The following DNAH12 variants were observed in gnomAD, a reference collection of about 807,000 sequenced individuals.
DNAH12 encodes axonemal beta dynein heavy chain 12.
A neutral mutation model predicts 371.5 loss-of-function variants in DNAH12; 285 were observed. That is an observed-to-expected ratio of 0.77 (90% confidence interval 0.70 to 0.85). DNAH12 has a LOEUF of 0.85. DNAH12 is among the 40% of genes least tolerant of loss of function. DNAH12 has a pLI of 0.00. For missense variants in DNAH12, 3,611 were observed against 3,689.4 expected, an observed-to-expected ratio of 0.98 and a Z score of 0.55; for synonymous variants, 1,200 against 1,213.0, an observed-to-expected ratio of 0.99 and a Z score of 0.22.
chr3:57,555,001 T>G, the DNAH12 span, among the ~76,000 whole-genome samples: 1 of 152,052 alleles, frequency 6.6e-6, no homozygotes, highest in East Asian at 1.9e-4. Flanking sequence ...ATCCCAGAAT[T>G]TTGGGAGGGT....
rs1328356708 is a variant in DNAH12 at position 57,382,313 on chromosome 3, C to T, written c.7941G>A (p.Met2647Ile). 6.6e-6 allele frequency: 1 copy of T among 152,052 alleles called. No individual in the cohort carries two copies. Among genetic ancestry groups the T allele is most frequent in the Non-Finnish European group, 1.5e-5 (1 of 68,008 alleles). 9.4% of individuals were successfully genotyped at this position (152,052 alleles called of 1,614,324 possible). A position where few individuals can be genotyped will look rare whatever the true frequency, so the allele number is the denominator to read the frequency against. Residue 2647 changes from methionine (M) to isoleucine (I), a missense_variant, in exon 50 of 74, where the codon ATG becomes ATA. By Grantham distance (10) the Met-to-Ile change is conservative. Around this residue, in one of 3 missense-constraint regions of DNAH12, gnomAD observed 2,266 missense variants for 2,236.9 expected, o/e 1.01. Coordinates refer to ENST00000495027, the MANE Select transcript of DNAH12 (RefSeq NM_001366028.2). The part of the protein sequence containing the change: ...VKLVMAAVCV[M>I]KDIKPEKISD... ...AAATTTTTTCTGGTTTTATATCTTT[C>T]ATGACACAAACAGCAGCCATAACTA...
chr3:57,408,521 T>C lies in DNAH12; in HGVS notation c.6035A>G (p.Asp2012Gly). The stretch of plus-strand genomic sequence containing the variant: ...GTCCACCAGCGTGATTTTACTTGTG[T>C]CCTTAAGGTCGTACCTTAGAAAGCA... The part of the protein sequence containing the change: ...FDCGHWYDLK[D>G]TSKITLVDIE... Residue 2012 changes from aspartate to glycine, a missense_variant, in exon 40 of 74, where the codon GAC (aspartate) becomes GGC (glycine). Physicochemically the swap from Asp to Gly is moderately conservative, Grantham distance 94 (BLOSUM62 -1). Around this residue, in one of 3 missense-constraint regions of DNAH12, gnomAD observed 2,266 missense variants for 2,236.9 expected, o/e 1.01. Transcript: ENST00000495027. 3 of 1,545,470 alleles carry C rather than the reference T, an allele frequency of 1.9e-6. No homozygotes were observed. The highest frequency in any genetic ancestry group is 2.6e-6 in the Non-Finnish European group (3 of 1,144,196).
At chr3:57,540,548 G>A (rs895165373) in intron 2 of DNAH12, among the ~76,000 whole-genome samples, 10 of 152,180 alleles carry the variant, frequency 6.6e-5, no homozygotes, top group Non-Finnish European at 1.5e-4. Flanking sequence ...ATTGCAGAGC[G>A]TATCTCTAAA....
chr3:57,317,921 A>T (rs1226378277), intron 65 of DNAH12, among the ~76,000 whole-genome samples: 8 of 152,202 alleles, frequency 5.3e-5, no homozygotes, highest in African/African-American at 1.9e-4. Flanking sequence ...GACTACTGAC[A>T]TTGAGCATTT....
Position 57,453,360 on chromosome 3 carries a change from T to G in DNAH12, c.3500A>C (p.Glu1167Ala). ...YYKELQNQLN[E>A]IVELVRGKLS... ...CTTTCCTCTTACCAGCTCTACAATC[T>G]CATTCAGTTGGTTCTGAAGTTCCTT... The change falls in exon 24 of 74, where the codon GAG (glutamate) becomes GCG (alanine). Residue 1167 changes from glutamate (E) to alanine (A), a missense_variant. By Grantham distance (107) the Glu-to-Ala change is moderately radical (BLOSUM62 -1). Coordinates refer to ENST00000495027, the MANE Select transcript of DNAH12 (RefSeq NM_001366028.2). 1 of 1,550,612 alleles carries G rather than the reference T, an allele frequency of 6.4e-7. No individual in the cohort carries two copies. Among genetic ancestry groups the G allele is most frequent in the Non-Finnish European group, 8.7e-7 (1 of 1,146,596 alleles).
chr3:57,327,973 A>C (rs1212469062), intron 62 of DNAH12, among the ~76,000 whole-genome samples: 10 of 151,942 alleles, frequency 6.6e-5, no homozygotes, highest in African/African-American at 1.2e-4. Context: ...GAAATGGATA[A>C]ATTCCTCGAC....
chr3:57,524,689 A>G (rs2068573661), intron 2 of DNAH12, among the ~76,000 whole-genome samples: 1 of 152,134 alleles, frequency 6.6e-6, no homozygotes, highest in Non-Finnish European at 1.5e-5. Context: ...ACATGTTACC[A>G]TTAGCAATGA....
chr3:57,355,227 G>C (rs2153324101), intron 59 of DNAH12, among the ~76,000 whole-genome samples: 1 of 152,196 alleles, frequency 6.6e-6, no homozygotes, highest in East Asian at 1.9e-4. Context: ...TAATACATAG[G>C]ACCATGGGAA....
intron 45 of DNAH12, among the ~76,000 whole-genome samples, chr3:57,390,428 T>A (rs1331612365): frequency 0.18 from 4,846 of 26,690 alleles, 731 homozygotes; most frequent in African/African-American, 0.3. Context: ...AAAAAAAATA[T>A]ATATATATAT....
At chr3:57,480,524 C>T (rs538858071) in intron 13 of DNAH12, among the ~76,000 whole-genome samples, 1,978 of 151,058 alleles carry the variant, frequency 0.013, 28 homozygotes, top group Non-Finnish European at 0.019. Flanking sequence ...CCTTCTGAAA[C>T]TATTCCAATC....
At chr3:57,328,941 T>C (rs1364581618) in intron 62 of DNAH12, among the ~76,000 whole-genome samples, 3 of 134,002 alleles carry the variant, frequency 2.2e-5, no homozygotes, top group African/African-American at 9.2e-5. Flanking sequence ...AGCCAAATCA[T>C]GAGTGAACTC....
rs879293648 is a variant in DNAH12 at position 57,302,529 on chromosome 3, G to GTTCATATATATA, written c.11190-591_11190-590insTATATATATGAA. On this transcript the variant is annotated intron_variant, in intron 69 of 73. Transcript: ENST00000495027. The stretch of plus-strand genomic sequence containing the variant: ...TGCTGAATTAACTAAGGCATCAGGT[G>GTTCATATATATA]TATATATATATATATATATATATAT... Among the ~76,000 whole-genome samples, 73 of 47,850 alleles carry GTTCATATATATA rather than the reference G, an allele frequency of 1.5e-3. 2 individuals are homozygous for GTTCATATATATA. Among genetic ancestry groups the GTTCATATATATA allele is most frequent in the African/African-American group, 6.0e-3 (71 of 11,762 alleles). 31.4% of individuals were successfully genotyped at this position (47,850 alleles called of 152,430 possible). A position where few individuals can be genotyped will look rare whatever the true frequency, so the allele number is the denominator to read the frequency against.
At chr3:57,453,147 T>C in intron 24 of DNAH12, 100 bp downstream of exon 24, 1 of 1,465,324 alleles carries the variant, frequency 6.8e-7, no homozygotes, top group Non-Finnish European at 9.0e-7. Context: ...AAGATTGTGT[T>C]AAAAAAATTC....
At chr3:57,316,699 C>T (rs995555794) in intron 65 of DNAH12, among the ~76,000 whole-genome samples, 12 of 152,236 alleles carry the variant, frequency 7.9e-5, no homozygotes, top group Admixed American at 7.8e-4. Flanking sequence ...GCAGTTTCCC[C>T]CATACTGTTC....
intron 29 of DNAH12, among the ~76,000 whole-genome samples, chr3:57,438,918 C>CAAAAAAAAAAAAAAAAA (rs57608649): frequency 4.2e-4 from 40 of 94,468 alleles, no homozygotes; most frequent in African/African-American, 7.2e-4. Context: ...CTGTCTCAGA[C>CAAAAAAAAAAAAAAAAA]AAAAAAAAAA....
At chr3:57,423,702 T>C (rs1314197742) in intron 35 of DNAH12, among the ~76,000 whole-genome samples, 2 of 152,176 alleles carry the variant, frequency 1.3e-5, no homozygotes, top group Admixed American at 1.3e-4. Context: ...ATAATCTGTT[T>C]ACTTGTGCCA....
chr3:57,523,699 ATATC>A (rs1391234938), intron 3 of DNAH12, 90 bp from the exon 4 acceptor site: 1 of 1,268,804 alleles, frequency 7.9e-7, no homozygotes, highest in African/African-American at 1.5e-5. Context: ...TAGTTTAAAT[ATATC>A]TATTATTCCT....
intron 17 of DNAH12, among the ~76,000 whole-genome samples, chr3:57,464,263 C>G (rs554940500): frequency 6.6e-6 from 1 of 152,222 alleles, no homozygotes; most frequent in South Asian, 2.1e-4. Context: ...AAATGTTACT[C>G]TGTAAGCCAC....
At position 57,301,931 on chromosome 3, in the gene DNAH12, A is replaced by C. The variant is rs1407929236; in HGVS notation, c.11198T>G (p.Ile3733Arg). 1.3e-6 allele frequency: 2 copies of C among 1,551,382 alleles called. No homozygotes were observed. The highest frequency in any genetic ancestry group is 2.7e-5 in the African/African-American group (2 of 73,018). Residue 3733 changes from isoleucine (I) to arginine (R), a missense_variant, in exon 70 of 74, where the codon ATA (isoleucine) becomes AGA (arginine). Physicochemically the swap from Ile to Arg is moderately conservative, Grantham distance 97. Around this residue, in one of 3 missense-constraint regions of DNAH12, gnomAD observed 2,266 missense variants for 2,236.9 expected, o/e 1.01. Coordinates refer to ENST00000495027, the MANE Select transcript of DNAH12 (RefSeq NM_001366028.2). Reference sequence around the variant, plus strand: ...GTCCCGTAGAGTGTTACGTATAGTTATAATTAAACTGCAATGAAAGAAATT... The same window carrying C: ...GTCCCGTAGAGTGTTACGTATAGTTCTAATTAAACTGCAATGAAAGAAATT... ...QEMERFNNLI[I>R]TIRNTLRDLE...
Sources: allele counts gnomAD v4.1 joint callset (sites outside exome capture counted in the v4.1 genomes callset), GRCh38; gene constraint gnomAD v4.1.1; regional missense constraint gnomAD v4.1.1; transcripts MANE v1.5; gene names NCBI Gene and HGNC (gene_info 2026-07-23, HGNC 2026-07-21).